The following AKAIN1 variants were observed in gnomAD, a reference collection of about 807,000 sequenced individuals.
AKAIN1 encodes the protein A-kinase anchor inhibitor 1.
Under a neutral mutation model 3.7 loss-of-function variants are expected in AKAIN1, and 3 were observed. The observed-to-expected ratio is 0.82, with a 90% CI of 0.37 to 2.12. AKAIN1 has a LOEUF of 2.12. Among genes scored for constraint, AKAIN1 ranks in the 30% most tolerant of loss-of-function variants. The pLI is 0.06. For missense variants in AKAIN1, 82 were observed against 82.7 expected (o/e 0.99, Z 0.03); for synonymous variants, 31 against 30.8 (o/e 1.01, Z -0.02).
At chr18:5,197,386 G>T (rs1477336096), upstream of AKAIN1, 1 of 1,262,824 alleles carries the variant, frequency 7.9e-7, no homozygotes, top group Non-Finnish European at 1.0e-6. This position sits in a 1 kb window ranked among gnomAD's most constrained non-coding sequence, Gnocchi z 6.9. Context: ...ACGCGACGAA[G>T]GTCGGAAGAG....
At chr18:5,154,214 A>G (rs892608244) in intron 1 of AKAIN1, among the ~76,000 whole-genome samples, 2 of 152,268 alleles carry the variant, frequency 1.3e-5, no homozygotes, top group African/African-American at 2.4e-5. Context: ...ATTGGGCTAC[A>G]TTAAAATAAT....
intron 1 of AKAIN1, among the ~76,000 whole-genome samples, chr18:5,157,112 T>TTAA: frequency 6.6e-6 from 1 of 152,316 alleles, no homozygotes. Context: ...TTAACCAAGA[T>TTAA]GAAGTATCAA....
At chr18:5,173,738 AG>A (rs1405989728) in intron 1 of AKAIN1, among the ~76,000 whole-genome samples, 26 of 152,156 alleles carry the variant, frequency 1.7e-4, no homozygotes, top group Admixed American at 1.6e-3. Flanking sequence ...AGAAGTGCAG[AG>A]GGGCTGGTGA....
rs532353605 is a variant in AKAIN1, at chr18:5,197,188, C to G, written c.-135G>C. ...GGCGGCGGGCGGGGCGGTCAGCACC[C>G]CGGACAGCTCCCGCCGCTAGATCCT... On this transcript the variant is annotated 5_prime_UTR_variant, in exon 1 of 2. Coordinates refer to ENST00000434239, the MANE Select transcript of AKAIN1 (RefSeq NM_001145194.2). This position sits in a 1 kb window ranked among gnomAD's most constrained non-coding sequence, Gnocchi z 6.9. 131 of 1,457,748 alleles carry G rather than the reference C, an allele frequency of 9.0e-5. 1 individual carries two copies. In the South Asian group the frequency reaches 1.7e-3, roughly 19 times the overall value. The allele number at this position is 1,457,748 out of a possible 1,614,324, so 90.3% of individuals were successfully genotyped here.
intron 1 of AKAIN1, among the ~76,000 whole-genome samples, chr18:5,158,726 A>C (rs2071122139): frequency 6.6e-6 from 1 of 152,132 alleles, no homozygotes; most frequent in African/African-American, 2.4e-5. Flanking sequence ...TGAACCCTGC[A>C]CACATGGGTA....
chr18:5,157,694 T>C (rs1271103984), intron 1 of AKAIN1, among the ~76,000 whole-genome samples: 1 of 152,068 alleles, frequency 6.6e-6, no homozygotes, highest in Non-Finnish European at 1.5e-5. Flanking sequence ...ACTTAGAAAC[T>C]TTTTTTAAAA....
chr18:5,154,732 G>T (rs1004322983), intron 1 of AKAIN1, among the ~76,000 whole-genome samples: 1 of 151,840 alleles, frequency 6.6e-6, no homozygotes, highest in Non-Finnish European at 1.5e-5. Flanking sequence ...ACAGAAACTA[G>T]CCCTCTCAAG....
intron 1 of AKAIN1, among the ~76,000 whole-genome samples, chr18:5,174,198 T>G (rs2071213114): frequency 6.6e-6 from 1 of 152,096 alleles, no homozygotes; most frequent in African/African-American, 2.4e-5. Flanking sequence ...TGAGGACCAT[T>G]GCCTAGGGAG....
rs772759147 is a variant in AKAIN1 at position 5,197,073 on chromosome 18, G to A, written c.-20C>T. ...CACCATGATTTCTTCCAGCCGCTAC[G>A]CCCCCAGATTAAGAGAGAAAGACAG... On this transcript the variant is annotated 5_prime_UTR_variant, in exon 1 of 2. Transcript: ENST00000434239. This position sits in a 1 kb window ranked among gnomAD's most constrained non-coding sequence, Gnocchi z 6.9. 7 of 1,551,420 alleles carry A rather than the reference G, an allele frequency of 4.5e-6. No homozygotes were observed. Among genetic ancestry groups the A allele is most frequent in the Non-Finnish European group, 6.1e-6 (7 of 1,146,964 alleles).
intron 1 of AKAIN1, among the ~76,000 whole-genome samples, chr18:5,192,993 AAG>A (rs1341124877): frequency 6.6e-6 from 1 of 152,198 alleles, no homozygotes; most frequent in African/African-American, 2.4e-5. Flanking sequence ...GCTAACAGAA[AAG>A]AATTTTTTTG....
intron 1 of AKAIN1, among the ~76,000 whole-genome samples, chr18:5,185,595 A>C (rs57242379): frequency 0.34 from 52,259 of 151,984 alleles, 9,307 homozygotes; most frequent in African/African-American, 0.44. Flanking sequence ...CACATAAAAA[A>C]TGCTCAACAT....
chr18:5,157,547 T>G (rs1245152332), intron 1 of AKAIN1, among the ~76,000 whole-genome samples: 1 of 152,296 alleles, frequency 6.6e-6, no homozygotes, highest in East Asian at 1.9e-4. Context: ...TTATGCAGCC[T>G]CACGCCCTCA....
intron 1 of AKAIN1, among the ~76,000 whole-genome samples, chr18:5,172,979 G>A (rs1389142852): frequency 6.6e-6 from 1 of 152,030 alleles, no homozygotes. Flanking sequence ...TTTAAACATT[G>A]TTTAAGTTAC....
rs1218252586 is a variant in AKAIN1 at position 5,153,388 on chromosome 18, C to G, written c.17-7633G>C. Among the ~76,000 whole-genome samples the G allele has an allele frequency of 2.0e-5, 3 of 152,060 alleles. No homozygotes were observed. In the East Asian group the frequency reaches 5.8e-4, roughly 29 times the overall value. On this transcript the variant is annotated intron_variant, in intron 1 of 1. Transcript: ENST00000434239. The stretch of plus-strand genomic sequence containing the variant: ...GGATCTAATTTACCAGCTATGAATA[C>G]CAGTTACAAAGCTATGTCAATTAAG...
At chr18:5,192,429 CT>C (rs2071325817) in intron 1 of AKAIN1, among the ~76,000 whole-genome samples, 1 of 118,416 alleles carries the variant, frequency 8.4e-6, no homozygotes, top group Non-Finnish European at 1.9e-5. Flanking sequence ...TTCTTTCTTT[CT>C]TTCTTTCTTT....
At chr18:5,177,348 A>G (rs1598313010) in intron 1 of AKAIN1, among the ~76,000 whole-genome samples, 1 of 152,246 alleles carries the variant, frequency 6.6e-6, no homozygotes, top group African/African-American at 2.4e-5. Context: ...CCTCAAATCA[A>G]ATAGCAGGTA....
At chr18:5,162,605 A>G (rs1169776785) in intron 1 of AKAIN1, among the ~76,000 whole-genome samples, 1 of 148,072 alleles carries the variant, frequency 6.8e-6, no homozygotes, top group African/African-American at 2.5e-5. Context: ...TTCAAACTCT[A>G]TGAAGAGTTC....
At chr18:5,164,064 G>A (rs1344818602) in intron 1 of AKAIN1, among the ~76,000 whole-genome samples, 2 of 151,966 alleles carry the variant, frequency 1.3e-5, no homozygotes, top group Admixed American at 1.3e-4. Context: ...TATATCATAG[G>A]TAGCTCTTAC....
chr18:5,194,837 G>A (rs1410400367), intron 1 of AKAIN1, among the ~76,000 whole-genome samples: 1 of 152,110 alleles, frequency 6.6e-6, no homozygotes, highest in Admixed American at 6.5e-5. Context: ...CTGAGTGTTA[G>A]GTTAGCTTGA....
Sources: allele counts gnomAD v4.1 joint callset (sites outside exome capture counted in the v4.1 genomes callset), GRCh38; gene constraint gnomAD v4.1.1; non-coding constraint Gnocchi (gnomAD v3.1); transcripts MANE v1.5; gene names NCBI Gene and HGNC (gene_info 2026-07-23, HGNC 2026-07-21).